TFEB: variants seen among roughly 807,000 people sequenced by gnomAD.
The protein encoded by TFEB is transcription factor EB, also known as T-cell transcription factor EB.
A neutral mutation model predicts 48.0 loss-of-function variants in TFEB; 12 were observed. That is an observed-to-expected ratio of 0.25 (90% CI 0.16 to 0.40). The LOEUF is 0.40. Ranked by LOEUF, TFEB falls within the 10% of genes least tolerant of loss-of-function variation. The pLI, the probability that TFEB is intolerant of heterozygous loss-of-function variation, is 1.00. For missense variants in TFEB, 509 were observed against 640.3 expected (o/e 0.79, Z 2.21); for synonymous variants, 244 against 261.4 (o/e 0.93, Z 0.64).
At position 41,691,162 on chromosome 6, in the gene TFEB, G is replaced by A; in HGVS notation, c.52C>T (p.Gln18Ter). The change falls in exon 2 of 9, where the codon CAG (glutamine) becomes TAG (stop). Residue 18 changes from glutamine (Q) to a stop codon, truncating the protein, a stop_gained. Coordinates refer to ENST00000373033, the MANE Select transcript of TFEB (RefSeq NM_001271944.2). LOFTEE classifies it high-confidence loss of function. The surrounding 1 kb of genome is among the most constrained non-coding windows in gnomAD (Gnocchi z 5.2). ...TGCATGCGCTCCCGCTGCTCCTCCT[G>A]CTGCGCCTGCTCCCGCATGAGCTGC... ...RMQLMREQAQ[Q>*]EEQRERMQQQ... 1 of 1,590,070 alleles carries A rather than the reference G, an allele frequency of 6.3e-7. No homozygotes were observed. The highest frequency in any genetic ancestry group is 1.3e-5 in the African/African-American group (1 of 74,592).
Position 41,697,515 on chromosome 6 carries a change from C to T in TFEB, c.-22-6280G>A, listed in dbSNP as rs564517693. 1.5e-4 allele frequency among the ~76,000 whole-genome samples: 16 copies of T among 104,894 alleles called. No individual in the cohort carries two copies. The East Asian group carries it at 4.9e-3, about 32-fold the overall frequency. 68.8% of individuals were successfully genotyped at this position (104,894 alleles called of 152,430 possible). ...ACCCCTTCTCCAAACCCCCCCCCTT[C>T]CCCAAGTGTGTCTATGACTTTAAAA... On this transcript the variant is annotated intron_variant, in intron 1 of 8. Coordinates refer to ENST00000373033, the MANE Select transcript of TFEB (RefSeq NM_001271944.2).
intron 1 of TFEB, among the ~76,000 whole-genome samples, chr6:41,715,236 G>C (rs1478517586): frequency 6.6e-6 from 1 of 152,100 alleles, no homozygotes; most frequent in African/African-American, 2.4e-5. Flanking sequence ...GAGTATGTGC[G>C]GACCACACAG....
intron 1 of TFEB, among the ~76,000 whole-genome samples, chr6:41,716,861 T>C (rs1238579142): frequency 6.6e-6 from 1 of 152,160 alleles, no homozygotes; most frequent in Non-Finnish European, 1.5e-5. Flanking sequence ...CCCTGGCCCA[T>C]CACTCAGAGT....
intron 1 of TFEB, among the ~76,000 whole-genome samples, chr6:41,693,741 C>G (rs1224823699): frequency 6.6e-6 from 1 of 152,144 alleles, no homozygotes; most frequent in Non-Finnish European, 1.5e-5. Context: ...ACCCAGCTAC[C>G]AACGGGGCAG....
Position 41,723,426 on chromosome 6 carries a change from C to A in TFEB, c.-23+11924G>T. ...TCACACACATGCTCACACACATGCA[C>A]ACACTCACACACATGCACGCGTGTG... On this transcript the variant is annotated intron_variant, in intron 1 of 8. Transcript: ENST00000373033. The surrounding 1 kb of genome is among the most constrained non-coding windows in gnomAD (Gnocchi z 6.0). 1 of 1,194,106 alleles carries A rather than the reference C, an allele frequency of 8.4e-7. No individual in the cohort carries two copies. Among genetic ancestry groups the A allele is most frequent in the Non-Finnish European group, 1.1e-6 (1 of 902,694 alleles). The allele number at this position is 1,194,106 out of a possible 1,614,324, so 74.0% of individuals were successfully genotyped here.
intron 8 of TFEB, among the ~76,000 whole-genome samples, chr6:41,685,373 A>G (rs1433680830): frequency 6.6e-6 from 1 of 152,234 alleles, no homozygotes; most frequent in Non-Finnish European, 1.5e-5. Flanking sequence ...AATTATTAGA[A>G]TGCATTGCAT....
chr6:41,734,318 G>T lies in TFEB; in HGVS notation c.-23+1032C>A. 1 of 984,020 alleles carries T rather than the reference G, an allele frequency of 1.0e-6. No homozygotes were observed. Among genetic ancestry groups the T allele is most frequent in the Non-Finnish European group, 1.2e-6 (1 of 828,872 alleles). 61.0% of individuals were successfully genotyped at this position (984,020 alleles called of 1,614,324 possible). The stretch of plus-strand genomic sequence containing the variant: ...GGGCTCCCTCCCTTCCTCACCCGGG[G>T]CGCGGGGCTGGGGCGCGCCAGGCGG... On this transcript the variant is annotated intron_variant, in intron 1 of 8. Transcript: ENST00000373033. The surrounding 1 kb of genome is among the most constrained non-coding windows in gnomAD (Gnocchi z 4.0).
chr6:41,718,868 C>A (rs1181821840), intron 1 of TFEB, among the ~76,000 whole-genome samples: 2 of 152,270 alleles, frequency 1.3e-5, no homozygotes, highest in East Asian at 3.9e-4. Context: ...TGGCTGCAAA[C>A]CCTAAAGAAT....
chr6:41,697,549 G>A (rs964974220), intron 1 of TFEB, among the ~76,000 whole-genome samples: 5 of 145,118 alleles, frequency 3.4e-5, no homozygotes, highest in Admixed American at 7.0e-5. Flanking sequence ...AATGCCTTTG[G>A]TACCAGGCAC....
At chr6:41,694,912 A>G (rs2127451861) in intron 1 of TFEB, among the ~76,000 whole-genome samples, 1 of 151,096 alleles carries the variant, frequency 6.6e-6, no homozygotes, top group South Asian at 2.1e-4. Flanking sequence ...TGATGCCCCC[A>G]GAGAATCCCT....
chr6:41,694,213 G>C (rs924224852), intron 1 of TFEB, among the ~76,000 whole-genome samples: 4 of 152,186 alleles, frequency 2.6e-5, no homozygotes. Flanking sequence ...CTCACTGGCT[G>C]GGCCAGCCTC....
At chr6:41,686,292 C>T in intron 7 of TFEB, 55 bp from the exon 8 acceptor site, 1 of 1,602,242 alleles carries the variant, frequency 6.2e-7, no homozygotes, top group Non-Finnish European at 8.5e-7. Flanking sequence ...GTGGCCAAAT[C>T]CTTGCTACTG....
At chr6:41,693,471 G>C (rs1244183420) in intron 1 of TFEB, among the ~76,000 whole-genome samples, 1 of 152,144 alleles carries the variant, frequency 6.6e-6, no homozygotes, top group East Asian at 1.9e-4. Context: ...GCCCCAGGCA[G>C]CATGGCCTCT....
intron 1 of TFEB, among the ~76,000 whole-genome samples, chr6:41,705,110 C>A (rs1385192693): frequency 6.6e-6 from 1 of 152,210 alleles, no homozygotes. Flanking sequence ...CCAGGACTTG[C>A]CTGCCTGCCC....
At position 41,684,926 on chromosome 6, in the gene TFEB, G is replaced by T; in HGVS notation, c.1104C>A (p.Asp368Glu). 1 of 1,586,058 alleles carries T rather than the reference G, an allele frequency of 6.3e-7. No individual in the cohort carries two copies. ...GGGGCAGAGCTGGCAGTGGCTCAGGGTCAGGGACCTCAGCCCCCAGCATCA... is the reference window on the plus strand; with the variant it reads ...GGGGCAGAGCTGGCAGTGGCTCAGGTTCAGGGACCTCAGCCCCCAGCATCA... ...EALMLGAEVP[D>E]PEPLPALPPQ... The change falls in exon 9 of 9, where the codon GAC (aspartate) becomes GAA (glutamate). Residue 368 changes from aspartate (D) to glutamate (E), a missense_variant. This residue lies in a region of TFEB where 168 missense variants were observed against 161.0 expected (regional missense o/e 1.04). Coordinates refer to ENST00000373033, the MANE Select transcript of TFEB (RefSeq NM_001271944.2).
At chr6:41,716,278 A>G (rs1329988910) in intron 1 of TFEB, among the ~76,000 whole-genome samples, 1 of 152,044 alleles carries the variant, frequency 6.6e-6, no homozygotes, top group African/African-American at 2.4e-5. Flanking sequence ...CCAGTGGTAC[A>G]CCCCCTCCCT....
In TFEB at chr6:41,684,867, G is replaced by A. The variant is rs766963551; in HGVS notation, c.1163C>T (p.Pro388Leu). The A allele has an allele frequency of 2.8e-5, 44 of 1,569,484 alleles. 1 individual carries two copies. The highest frequency in any genetic ancestry group is 3.2e-5 in the Non-Finnish European group (37 of 1,155,918). Residue 388 changes from proline to leucine, a missense_variant, in exon 9 of 9, where the codon CCA becomes CTA. Pro to Leu is a moderately conservative substitution (Grantham distance 98). Around this residue, in one of 4 missense-constraint regions of TFEB, gnomAD observed 168 missense variants for 161.0 expected, o/e 1.04. Transcript: ENST00000373033. ...QAPLPLPTQP[P>L]SPFHHLDFSH... ...GAAGTCCAGGTGATGGAATGGGGATGGTGGCTGGGTGGGCAGGGGCAGCGG... is the reference window on the plus strand; with the variant it reads ...GAAGTCCAGGTGATGGAATGGGGATAGTGGCTGGGTGGGCAGGGGCAGCGG...
At chr6:41,735,129 G>A in intron 1 of TFEB, 1 of 967,370 alleles carries the variant, frequency 1.0e-6, no homozygotes, top group Non-Finnish European at 1.2e-6. Context: ...AGGGGCCGAG[G>A]GGGCTCCCGG....
At chr6:41,698,540 G>A (rs9369303) in intron 1 of TFEB, among the ~76,000 whole-genome samples, 9 of 152,166 alleles carry the variant, frequency 5.9e-5, no homozygotes, top group African/African-American at 7.2e-5. Flanking sequence ...TATGTCTGGC[G>A]GCTGAAACAA....
Sources: gnomAD v4.1 joint callset for allele counts (sites outside exome capture counted in the v4.1 genomes callset) on GRCh38, gnomAD v4.1.1 for gene constraint, gnomAD v4.1.1 regional missense constraint, Gnocchi (gnomAD v3.1) non-coding constraint, MANE v1.5 for transcripts, NCBI Gene and HGNC (gene_info 2026-07-23, HGNC 2026-07-21) for gene names.